Variants in NTRK2 observed in about 807,000 individuals in gnomAD.
The protein encoded by NTRK2 is neurotrophic receptor tyrosine kinase 2.
In NTRK2, 13 loss-of-function variants were observed where a neutral mutation model predicts 94.5. The observed-to-expected ratio is 0.14, with a 90% CI of 0.09 to 0.22. NTRK2 has a LOEUF of 0.22. Ranked by LOEUF, NTRK2 falls within the 10% of genes least tolerant of loss-of-function variation. The pLI, the probability that NTRK2 is intolerant of heterozygous loss-of-function variation, is 1.00. For synonymous variants in NTRK2, 372 were observed against 407.4 expected, an observed-to-expected ratio of 0.91 and a Z score of 1.05; for missense variants, 639 against 1,071.2, an observed-to-expected ratio of 0.60 and a Z score of 5.63.
At chr9:84,926,541 T>C (rs568328073) in intron 14 of NTRK2, among the ~76,000 whole-genome samples, 1 of 152,228 alleles carries the variant, frequency 6.6e-6, no homozygotes, top group South Asian at 2.1e-4. Flanking sequence ...CCAGTTTCTT[T>C]CTTTTTTTAT....
At chr9:84,811,601 G>C (rs371380217) in intron 12 of NTRK2, 2 of 1,065,606 alleles carry the variant, frequency 1.9e-6, no homozygotes, top group East Asian at 9.9e-5. Context: ...GCTGTGAGCA[G>C]GAGAGGAGAT....
intron 12 of NTRK2, among the ~76,000 whole-genome samples, chr9:84,839,866 G>A (rs929678310): frequency 2.6e-5 from 4 of 152,278 alleles, no homozygotes; most frequent in Admixed American, 1.3e-4. Flanking sequence ...TTAGAGGTAC[G>A]GATGAAGGAC....
chr9:85,026,260 A>G lies in NTRK2; in HGVS notation c.*4823A>G, dbSNP rs184549467. On this transcript the variant is annotated 3_prime_UTR_variant, in exon 19 of 19. Coordinates refer to ENST00000277120, the MANE Select transcript of NTRK2 (RefSeq NM_006180.6). The stretch of plus-strand genomic sequence containing the variant: ...ATCTCAGGAGACGAAATGAGAAAAG[A>G]TGGGGATGTCATTTTTTAGTCTATG... The G allele has an allele frequency of 4.2e-4, 97 of 231,274 alleles. No individual in the cohort carries two copies. The highest frequency in any genetic ancestry group is 2.0e-3 in the African/African-American group (91 of 45,308). The allele number at this position is 231,274 out of a possible 1,614,324, so 14.3% of individuals were successfully genotyped here. A position where few individuals can be genotyped will look rare whatever the true frequency, so the allele number is the denominator to read the frequency against.
At chr9:84,998,069 G>C (rs1036183317) in intron 17 of NTRK2, among the ~76,000 whole-genome samples, 3 of 152,188 alleles carry the variant, frequency 2.0e-5, no homozygotes, top group African/African-American at 7.2e-5. Context: ...AGCTCAGACA[G>C]ACTCCTCTGA....
intron 17 of NTRK2, among the ~76,000 whole-genome samples, chr9:84,995,599 T>C (rs1829661358): frequency 6.6e-6 from 1 of 152,212 alleles, no homozygotes; most frequent in Non-Finnish European, 1.5e-5. Flanking sequence ...CTTGGGCAAG[T>C]CTTTTATCCT....
rs1832807426 is a variant in NTRK2, at chr9:85,021,998, A to C, written c.*561A>C. 4.2e-6 allele frequency: 1 copy of C among 237,806 alleles called. No individual in the cohort carries two copies. Among genetic ancestry groups the C allele is most frequent in the South Asian group, 1.7e-4 (1 of 6,060 alleles). The allele number at this position is 237,806 out of a possible 1,614,324, so 14.7% of individuals were successfully genotyped here. On this transcript the variant is annotated 3_prime_UTR_variant, in exon 19 of 19. Transcript: ENST00000277120. ...TTTATTTATTATTATTACTGTTCTT[A>C]TTGTTTTTGGATGGCTTAAGCCTGT... is the stretch of plus-strand genomic sequence containing the variant.
chr9:84,820,186 T>C (rs1235784609), intron 12 of NTRK2, among the ~76,000 whole-genome samples: 1 of 145,614 alleles, frequency 6.9e-6, no homozygotes, highest in Non-Finnish European at 1.5e-5. Flanking sequence ...TTTTTTTTTT[T>C]GGTGACAGCG....
chr9:84,697,017 G>A (rs2060421333), intron 2 of NTRK2, among the ~76,000 whole-genome samples: 1 of 152,176 alleles, frequency 6.6e-6, no homozygotes, highest in Non-Finnish European at 1.5e-5. Context: ...ATGGTTGAAG[G>A]CCACCAATGA....
chr9:84,714,822 T>C (rs555414878), intron 6 of NTRK2, among the ~76,000 whole-genome samples: 6 of 152,216 alleles, frequency 3.9e-5, no homozygotes, highest in Non-Finnish European at 8.8e-5. Flanking sequence ...TTCCACACTT[T>C]TTTTGGGGGT....
At chr9:84,931,435 AG>A (rs2132691409) in intron 14 of NTRK2, among the ~76,000 whole-genome samples, 1 of 152,032 alleles carries the variant, frequency 6.6e-6, no homozygotes, top group South Asian at 2.1e-4. Flanking sequence ...AGAGAGAGAG[AG>A]AGAAATTTAT....
chr9:84,890,291 T>C (rs2076558129), intron 14 of NTRK2, among the ~76,000 whole-genome samples: 1 of 152,178 alleles, frequency 6.6e-6, no homozygotes, highest in African/African-American at 2.4e-5. Context: ...TCCATGGGTG[T>C]GACTGATCAG....
chr9:84,876,074 T>C (rs2076054719), intron 14 of NTRK2: 1 of 1,031,412 alleles, frequency 9.7e-7, no homozygotes, highest in Non-Finnish European at 1.2e-6. Context: ...TTCTTTCTTA[T>C]GCTGTTACTA....
At chr9:84,729,274 T>A (rs549517868) in intron 9 of NTRK2, among the ~76,000 whole-genome samples, 192 of 152,262 alleles carry the variant, frequency 1.3e-3, no homozygotes, top group Admixed American at 5.4e-3. Context: ...TTGGAATATG[T>A]GTTTGATTTA....
At chr9:84,687,280 A>T (rs559948077) in intron 2 of NTRK2, among the ~76,000 whole-genome samples, 22 of 152,294 alleles carry the variant, frequency 1.4e-4, no homozygotes, top group African/African-American at 5.1e-4. Flanking sequence ...TTATTTTTGG[A>T]ATTGAGTCAT....
chr9:84,890,650 C>T (rs895581544), intron 14 of NTRK2, among the ~76,000 whole-genome samples: 10 of 152,178 alleles, frequency 6.6e-5, no homozygotes, highest in Admixed American at 1.3e-4. Context: ...AATGAAATTT[C>T]CATCTTCCTA....
intron 4 of NTRK2, among the ~76,000 whole-genome samples, chr9:84,706,876 G>A (rs142273701): frequency 3.3e-5 from 5 of 152,064 alleles, no homozygotes; most frequent in South Asian, 2.1e-4. Context: ...TGCCTTCCTC[G>A]GCAGGAAACA....
chr9:84,973,886 T>TA (rs774598179), intron 17 of NTRK2, among the ~76,000 whole-genome samples: 57 of 152,116 alleles, frequency 3.7e-4, no homozygotes, highest in East Asian at 9.6e-4. Context: ...GGAAAAAATT[T>TA]AAAAAAAACA....
chr9:84,934,688 T>C (rs1482153645), intron 15 of NTRK2, among the ~76,000 whole-genome samples: 2 of 152,188 alleles, frequency 1.3e-5, no homozygotes, highest in Non-Finnish European at 2.9e-5. Flanking sequence ...GGTTTATGGT[T>C]CTGGAAGGAA....
intron 12 of NTRK2, among the ~76,000 whole-genome samples, chr9:84,769,437 G>A (rs985474373): frequency 1.3e-5 from 2 of 152,132 alleles, no homozygotes; most frequent in Non-Finnish European, 2.9e-5. Context: ...AGATGTAGAG[G>A]CATAAGAAAT....
Sources: allele counts gnomAD v4.1 joint callset (sites outside exome capture counted in the v4.1 genomes callset), GRCh38; gene constraint gnomAD v4.1.1; transcripts MANE v1.5; gene names NCBI Gene and HGNC (gene_info 2026-07-23, HGNC 2026-07-21).